The following TMPRSS15 variants were observed in gnomAD, a reference collection of about 807,000 sequenced individuals.
TMPRSS15 encodes the protein transmembrane serine protease 15.
Under a neutral mutation model 125.3 loss-of-function variants are expected in TMPRSS15, and 128 were observed. The observed-to-expected ratio is 1.02, with a 90% CI of 0.89 to 1.18. The LOEUF (loss-of-function observed/expected upper bound fraction) is 1.18. Ranked by LOEUF, TMPRSS15 falls within the 50% of genes most tolerant of loss-of-function variation. TMPRSS15 has a pLI of 0.00. For missense variants in TMPRSS15, 1,283 were observed against 1,212.7 expected, an observed-to-expected ratio of 1.06 and a Z score of -0.86; for synonymous variants, 446 against 423.2, an observed-to-expected ratio of 1.05 and a Z score of -0.66.
chr21:18,446,831 A>G (rs2076256755), intron 1 of TMPRSS15, among the ~76,000 whole-genome samples: 1 of 152,206 alleles, frequency 6.6e-6, no homozygotes, highest in African/African-American at 2.4e-5. Flanking sequence ...CAAAACTGCT[A>G]GAGAAAAACA....
At chr21:18,413,904 T>A (rs2076173764) in intron 1 of TMPRSS15, among the ~76,000 whole-genome samples, 1 of 152,162 alleles carries the variant, frequency 6.6e-6, no homozygotes, top group Admixed American at 6.5e-5. Context: ...CCTTTTTTAT[T>A]TTTTGTAGAG....
intron 21 of TMPRSS15, among the ~76,000 whole-genome samples, chr21:18,285,432 T>G (rs1732642893): frequency 6.6e-6 from 1 of 152,190 alleles, no homozygotes; most frequent in South Asian, 2.1e-4. Flanking sequence ...TTAAAACCTT[T>G]TTCCTGTTTT....
intron 3 of TMPRSS15, among the ~76,000 whole-genome samples, chr21:18,385,599 T>C (rs2075936485): frequency 6.6e-6 from 1 of 152,150 alleles, no homozygotes; most frequent in Non-Finnish European, 1.5e-5. Context: ...ACATCTACCT[T>C]GAGACCATGA....
At chr21:18,299,914 C>A (rs1208977648) in intron 18 of TMPRSS15, among the ~76,000 whole-genome samples, 1 of 152,182 alleles carries the variant, frequency 6.6e-6, no homozygotes, top group Non-Finnish European at 1.5e-5. Context: ...CTGCTACAGT[C>A]AGGAAATCAT....
intron 4 of TMPRSS15, among the ~76,000 whole-genome samples, chr21:18,380,210 T>C (rs984412174): frequency 3.8e-5 from 5 of 131,412 alleles, no homozygotes; most frequent in Non-Finnish European, 8.3e-5. Context: ...CACACACTCA[T>C]ATATCTCTCA....
chr21:18,403,293 C>T (rs370555763), intron 1 of TMPRSS15, among the ~76,000 whole-genome samples, 185 bp downstream of exon 1: 1 of 152,126 alleles, frequency 6.6e-6, no homozygotes, highest in Non-Finnish European at 1.5e-5. Flanking sequence ...CTGAAGGGAA[C>T]TACAGAGAAG....
intron 10 of TMPRSS15, among the ~76,000 whole-genome samples, chr21:18,351,656 T>C (rs933092073): frequency 3.3e-5 from 5 of 152,174 alleles, no homozygotes; most frequent in Admixed American, 2.6e-4. Flanking sequence ...TGCAGAACTA[T>C]GAGTCAATGA....
chr21:18,336,835 T>C (rs2146977281), intron 13 of TMPRSS15, among the ~76,000 whole-genome samples: 1 of 152,170 alleles, frequency 6.6e-6, no homozygotes, highest in South Asian at 2.1e-4. Flanking sequence ...TGTGCCTGGC[T>C]CAGGCTATTA....
At chr21:18,449,612 T>A (rs545562983) in intron 1 of TMPRSS15, among the ~76,000 whole-genome samples, 64 of 152,266 alleles carry the variant, frequency 4.2e-4, no homozygotes, top group African/African-American at 1.5e-3. Context: ...TGTGACTGCC[T>A]ATGAGCTAAA....
chr21:18,331,355 T>C (rs1051551155), intron 14 of TMPRSS15, among the ~76,000 whole-genome samples: 3 of 152,188 alleles, frequency 2.0e-5, no homozygotes, highest in African/African-American at 2.4e-5. Flanking sequence ...GGCACGACCA[T>C]GGAAAGATGT....
intron 5 of TMPRSS15, among the ~76,000 whole-genome samples, chr21:18,377,330 GT>G (rs1043250992): frequency 3.3e-5 from 5 of 152,100 alleles, no homozygotes; most frequent in East Asian, 3.9e-4. Context: ...TAAATTTAGG[GT>G]TTTTTATGAA....
At chr21:18,437,410 C>T (rs2123224730) in intron 1 of TMPRSS15, among the ~76,000 whole-genome samples, 1 of 152,244 alleles carries the variant, frequency 6.6e-6, no homozygotes, top group Non-Finnish European at 1.5e-5. Context: ...AGGACATAGG[C>T]ATGGGCAAGG....
intron 1 of TMPRSS15, among the ~76,000 whole-genome samples, chr21:18,438,395 G>A (rs555677302): frequency 7.2e-5 from 11 of 151,872 alleles, no homozygotes; most frequent in Non-Finnish European, 1.3e-4. Flanking sequence ...GTTAATGGGT[G>A]CAGCACACCA....
rs186358236 is a variant in TMPRSS15 at position 18,451,507 on chromosome 21, G to T, written c.10+34292C>A. On this transcript the variant is annotated intron_variant, in intron 1 of 7. Coordinates refer to the TMPRSS15 transcript ENST00000422787. ...AAAAGCCAATTTACTTCTCAGGAGGGATAAATCTTGGTTTCAGCAACAAGA... is the reference window on the plus strand; with the variant it reads ...AAAAGCCAATTTACTTCTCAGGAGGTATAAATCTTGGTTTCAGCAACAAGA... Among the ~76,000 whole-genome samples, 580 of 152,194 alleles carry T rather than the reference G, an allele frequency of 3.8e-3. 7 individuals are homozygous for T. The highest frequency in any genetic ancestry group is 0.014 in the African/African-American group (561 of 41,510).
chr21:18,353,948 T>C (rs2075599405), intron 8 of TMPRSS15, 85 bp from the exon 9 acceptor site: 1 of 1,262,102 alleles, frequency 7.9e-7, no homozygotes, highest in Non-Finnish European at 1.1e-6. Flanking sequence ...TACTGAACTA[T>C]CAGTTTGTCA....
intron 16 of TMPRSS15, among the ~76,000 whole-genome samples, chr21:18,321,337 A>AT (rs1326813027): frequency 7.4e-6 from 1 of 135,992 alleles, no homozygotes; most frequent in Non-Finnish European, 1.6e-5. Context: ...AGCAAAAACG[A>AT]TTTTTTTCCT....
rs190453936 is a variant in TMPRSS15 at position 18,284,799 on chromosome 21, G to A, written c.2487-3578C>T. Among the ~76,000 whole-genome samples, 1,177 of 152,108 alleles carry A rather than the reference G, an allele frequency of 7.7e-3. 26 individuals are homozygous for A. The highest frequency in any genetic ancestry group is 0.027 in the African/African-American group (1,118 of 41,482). On this transcript the variant is annotated intron_variant, in intron 21 of 24. Transcript: ENST00000284885. ...GTGGATCACCTGAGGTCAGGAGTTC[G>A]AGACCGTCCTGGCCAACATGGTGAA... is the stretch of plus-strand genomic sequence containing the variant.
intron 5 of TMPRSS15, among the ~76,000 whole-genome samples, chr21:18,374,564 T>C (rs1172939057): frequency 5.3e-5 from 8 of 151,696 alleles, no homozygotes; most frequent in Non-Finnish European, 1.5e-5. Context: ...GGGATGTTTA[T>C]GGAAGGCATA....
intron 1 of TMPRSS15, among the ~76,000 whole-genome samples, chr21:18,428,936 A>G (rs1458268198): frequency 6.6e-6 from 1 of 152,140 alleles, no homozygotes; most frequent in African/African-American, 2.4e-5. Context: ...TTCACCTGGA[A>G]AAGTTGCAAA....
Sources: allele counts gnomAD v4.1 joint callset (sites outside exome capture counted in the v4.1 genomes callset), GRCh38; gene constraint gnomAD v4.1.1; transcripts MANE v1.5; gene names NCBI Gene and HGNC (gene_info 2026-07-23, HGNC 2026-07-21).